The following METTL8 variants were observed in gnomAD, a reference collection of about 807,000 sequenced individuals.
METTL8 encodes the protein methyltransferase 8, tRNA N3-cytidine, also known as tRNA N(3)-cytidine methyltransferase METTL8, mitochondrial.
Under a neutral mutation model 48.7 loss-of-function variants are expected in METTL8, and 32 were observed. The ratio of observed to expected loss-of-function variants is 0.66; its 90% CI spans 0.50 to 0.88. The LOEUF (loss-of-function observed/expected upper bound fraction) is 0.88, where lower values mean the gene tolerates loss of function less well. Ranked by LOEUF, METTL8 falls within the 40% of genes least tolerant of loss-of-function variation. The pLI is 0.00. For missense variants in METTL8, 464 were observed against 474.4 expected (o/e 0.98, Z 0.20); for synonymous variants, 136 against 157.1 (o/e 0.87, Z 1.01).
At chr2:171,363,680 T>G (rs1194975463) in intron 2 of METTL8, among the ~76,000 whole-genome samples, 2 of 150,428 alleles carry the variant, frequency 1.3e-5, no homozygotes, top group Non-Finnish European at 3.0e-5. Context: ...ATGAAAAAAT[T>G]ATAGTAAATC....
chr2:171,333,630 T>C (rs1369350009), intron 5 of METTL8, among the ~76,000 whole-genome samples: 1 of 152,246 alleles, frequency 6.6e-6, no homozygotes, highest in Non-Finnish European at 1.5e-5. Flanking sequence ...TACTTCAGCA[T>C]GTTCCCCTGT....
intron 1 of METTL8, among the ~76,000 whole-genome samples, chr2:171,408,772 C>T (rs559285024): frequency 5.3e-5 from 8 of 152,276 alleles, no homozygotes; most frequent in African/African-American, 1.9e-4. Context: ...CTTAGTTTTA[C>T]AACCTCTGGC....
chr2:171,356,899 A>T (rs946112079), intron 3 of METTL8, among the ~76,000 whole-genome samples: 1 of 151,322 alleles, frequency 6.6e-6, no homozygotes, highest in Non-Finnish European at 1.5e-5. Flanking sequence ...AAAGAAATAA[A>T]GGGCAGCTAA....
intron 1 of METTL8, among the ~76,000 whole-genome samples, chr2:171,417,411 G>C (rs1468117141): frequency 6.6e-6 from 1 of 152,186 alleles, no homozygotes; most frequent in Non-Finnish European, 1.5e-5. Context: ...ATAATAAATA[G>C]ATTCAAACAA....
chr2:171,422,382 T>A (rs1325520405), intron 1 of METTL8, among the ~76,000 whole-genome samples: 5 of 152,202 alleles, frequency 3.3e-5, no homozygotes, highest in African/African-American at 1.2e-4. Flanking sequence ...GTTAAAACTT[T>A]AAAACCTAGA....
In METTL8 at chr2:171,316,751, T is replaced by C. The variant is rs540384063; in HGVS notation, c.*7421A>G. ...AATGAGGGCTGCGAAAGAAAAAGTA[T>C]GAGCAATGAGAAAAGCAATTATCCT... On this transcript the variant is annotated 3_prime_UTR_variant, in exon 10 of 10. Transcript: ENST00000375258. 2.6e-4 allele frequency among the ~76,000 whole-genome samples: 39 copies of C among 152,358 alleles called. No individual in the cohort carries two copies. The highest frequency in any genetic ancestry group is 8.9e-4 in the African/African-American group (37 of 41,586).
intron 1 of METTL8, among the ~76,000 whole-genome samples, chr2:171,416,858 C>G (rs1691365417): frequency 6.6e-6 from 1 of 152,216 alleles, no homozygotes; most frequent in African/African-American, 2.4e-5. Flanking sequence ...GTACGCTATT[C>G]CATCTGAGCT....
intron 1 of METTL8, among the ~76,000 whole-genome samples, chr2:171,409,820 A>G (rs538975116): frequency 2.0e-5 from 3 of 152,220 alleles, no homozygotes; most frequent in African/African-American, 7.2e-5. Flanking sequence ...GGAAACTGCA[A>G]TGTTCTAGCT....
intron 2 of METTL8, among the ~76,000 whole-genome samples, chr2:171,372,818 T>C (rs1012492144): frequency 1.3e-5 from 2 of 152,168 alleles, no homozygotes; most frequent in South Asian, 2.1e-4. Context: ...TGAACTCATC[T>C]TTTTTTATGG....
At chr2:171,417,181 T>C (rs1468619635) in intron 1 of METTL8, among the ~76,000 whole-genome samples, 1 of 152,236 alleles carries the variant, frequency 6.6e-6, no homozygotes, top group Non-Finnish European at 1.5e-5. Flanking sequence ...TAGCTTTCAC[T>C]AAGTCAGTGC....
chr2:171,343,968 C>T (rs1388317495), intron 3 of METTL8, among the ~76,000 whole-genome samples: 1 of 152,150 alleles, frequency 6.6e-6, no homozygotes, highest in African/African-American at 2.4e-5. Flanking sequence ...TGTCAAGCAT[C>T]TAAATTCAAC....
chr2:171,323,943 T>TAGG lies in METTL8; in HGVS notation c.*228_*229insCCT. The TAGG allele has an allele frequency of 2.6e-6, 1 of 382,990 alleles. No individual in the cohort carries two copies. 23.7% of individuals were successfully genotyped at this position (382,990 alleles called of 1,614,324 possible). A position where few individuals can be genotyped will look rare whatever the true frequency, so the allele number is the denominator to read the frequency against. On this transcript the variant is annotated 3_prime_UTR_variant, in exon 10 of 10. Transcript: ENST00000375258. ...GAACAAGCAAAATGGTTAGATGTAATAAATTCAAACAAGCTTGAGCATATC... is the reference window on the plus strand; with the variant it reads ...GAACAAGCAAAATGGTTAGATGTAATAGGAAATTCAAACAAGCTTGAGCATATC...
chr2:171,381,337 T>C (rs181796863), intron 2 of METTL8, among the ~76,000 whole-genome samples: 21 of 152,244 alleles, frequency 1.4e-4, no homozygotes, highest in African/African-American at 4.8e-4. Context: ...ATTCAGGACA[T>C]AGGCATGGGC....
At chr2:171,327,949 T>C (rs1685124315) in intron 7 of METTL8, among the ~76,000 whole-genome samples, 1 of 152,206 alleles carries the variant, frequency 6.6e-6, no homozygotes, top group Non-Finnish European at 1.5e-5. Context: ...AATCGAACAC[T>C]TTAAAATGTA....
At chr2:171,402,776 A>G (rs1689769275) in intron 1 of METTL8, among the ~76,000 whole-genome samples, 1 of 152,060 alleles carries the variant, frequency 6.6e-6, no homozygotes, top group Admixed American at 6.6e-5. Context: ...ATTGAGGCAG[A>G]GAATATAACA....
intron 1 of METTL8, among the ~76,000 whole-genome samples, chr2:171,419,004 A>C (rs1691611073): frequency 6.6e-6 from 1 of 151,200 alleles, no homozygotes; most frequent in African/African-American, 2.5e-5. Context: ...GCAGCGTGAC[A>C]GAGTGAGACC....
At chr2:171,358,976 A>G (rs895072238) in intron 3 of METTL8, among the ~76,000 whole-genome samples, 2 of 152,244 alleles carry the variant, frequency 1.3e-5, no homozygotes, top group Admixed American at 6.5e-5. Context: ...CTCAATAGGA[A>G]GAAAAAGAAA....
chr2:171,356,264 C>T (rs972656589), intron 3 of METTL8, among the ~76,000 whole-genome samples: 4 of 152,100 alleles, frequency 2.6e-5, no homozygotes, highest in African/African-American at 7.2e-5. Flanking sequence ...CCTCAGCTCC[C>T]GAATAGCTAG....
At chr2:171,376,519 T>G (rs560002367) in intron 2 of METTL8, among the ~76,000 whole-genome samples, 5 of 152,274 alleles carry the variant, frequency 3.3e-5, no homozygotes, top group African/African-American at 9.6e-5. Flanking sequence ...ACAAAATCAA[T>G]GTACATAAAT....
Sources: allele counts gnomAD v4.1 joint callset (sites outside exome capture counted in the v4.1 genomes callset), GRCh38; gene constraint gnomAD v4.1.1; transcripts MANE v1.5; gene names NCBI Gene and HGNC (gene_info 2026-07-23, HGNC 2026-07-21).